Variants in PPP2R2B observed in about 807,000 individuals in gnomAD.
The protein encoded by PPP2R2B is protein phosphatase 2 regulatory subunit Bbeta, also known as serine/threonine-protein phosphatase 2A 55 kDa regulatory subunit B beta isoform.
Under a neutral mutation model 46.0 loss-of-function variants are expected in PPP2R2B, and 5 were observed. The ratio of observed to expected loss-of-function variants is 0.11; its 90% confidence interval spans 0.06 to 0.23. The LOEUF (loss-of-function observed/expected upper bound fraction) is 0.23, where lower values mean the gene tolerates loss of function less well. Among genes scored for constraint, PPP2R2B ranks in the 10% least tolerant of loss-of-function variants. PPP2R2B has a pLI of 1.00. For synonymous variants in PPP2R2B, 215 were observed against 206.7 expected (o/e 1.04, Z -0.34); for missense variants, 367 against 575.0 (o/e 0.64, Z 3.70).
chr5:146,638,496 TTA>T, intron 6 of PPP2R2B, 81 bp from the exon 7 acceptor site: 1 of 1,287,452 alleles, frequency 7.8e-7, no homozygotes, highest in Non-Finnish European at 1.1e-6. Flanking sequence ...TGGCACCATC[TTA>T]TATTAGTAAA....
chr5:146,639,643 T>C (rs1414742885), intron 6 of PPP2R2B, among the ~76,000 whole-genome samples: 1 of 152,196 alleles, frequency 6.6e-6, no homozygotes, highest in African/African-American at 2.4e-5. Flanking sequence ...CCAACAGGAC[T>C]CCCACTTTTC....
intron 1 of PPP2R2B, among the ~76,000 whole-genome samples, chr5:147,014,897 A>G (rs1754924950): frequency 6.6e-6 from 1 of 152,058 alleles, no homozygotes; most frequent in Non-Finnish European, 1.5e-5. Flanking sequence ...AAAAATAAAA[A>G]TTAAAAAATA....
intron 2 of PPP2R2B, among the ~76,000 whole-genome samples, chr5:146,723,791 T>C (rs1366191301): frequency 2.8e-4 from 42 of 152,096 alleles, no homozygotes; most frequent in Admixed American, 2.8e-3. Context: ...AATCATGTTT[T>C]CTTACCCTAA....
intron 1 of PPP2R2B, among the ~76,000 whole-genome samples, chr5:146,952,295 AT>A (rs964437756): frequency 1.3e-5 from 2 of 151,412 alleles, no homozygotes; most frequent in East Asian, 1.9e-4. Context: ...ACTTGTGGTG[AT>A]TTTTTTTTCT....
chr5:147,029,556 G>T (rs898032678), intron 1 of PPP2R2B, among the ~76,000 whole-genome samples: 9 of 152,036 alleles, frequency 5.9e-5, no homozygotes, highest in Admixed American at 2.0e-4. Flanking sequence ...TTAATAGATG[G>T]TGTTCTAGAC....
intron 1 of PPP2R2B, among the ~76,000 whole-genome samples, chr5:146,995,913 A>T (rs1217036285): frequency 6.6e-6 from 1 of 152,190 alleles, no homozygotes; most frequent in Non-Finnish European, 1.5e-5. Flanking sequence ...AACCAGCAAT[A>T]TAAAACCAGC....
At chr5:146,711,999 C>A (rs1296589481) in intron 2 of PPP2R2B, among the ~76,000 whole-genome samples, 2 of 152,082 alleles carry the variant, frequency 1.3e-5, no homozygotes, top group African/African-American at 4.8e-5. Flanking sequence ...ACACTAAATA[C>A]AATGCATATT....
intron 2 of PPP2R2B, among the ~76,000 whole-genome samples, chr5:146,769,039 G>A (rs1754675244): frequency 2.0e-5 from 3 of 152,082 alleles, no homozygotes; most frequent in African/African-American, 4.8e-5. Flanking sequence ...CACCATGCCT[G>A]GCTAATTTTT....
intron 2 of PPP2R2B, among the ~76,000 whole-genome samples, chr5:146,725,336 G>A (rs1405113518): frequency 6.6e-6 from 1 of 152,062 alleles, no homozygotes; most frequent in Non-Finnish European, 1.5e-5. Context: ...AAAATGGAAA[G>A]TAAAAACACA....
At chr5:146,793,074 G>A (rs971014955) in intron 2 of PPP2R2B, among the ~76,000 whole-genome samples, 2 of 152,162 alleles carry the variant, frequency 1.3e-5, no homozygotes, top group African/African-American at 4.8e-5. Flanking sequence ...GGTAGCAGTG[G>A]AAGTGATGAA....
At chr5:146,781,516 G>A (rs927107104) in intron 2 of PPP2R2B, among the ~76,000 whole-genome samples, 2 of 151,276 alleles carry the variant, frequency 1.3e-5, no homozygotes, top group African/African-American at 4.9e-5. Context: ...TGGTGCTCAA[G>A]CAAGCATTTC....
intron 1 of PPP2R2B, among the ~76,000 whole-genome samples, chr5:147,025,192 C>A (rs1215697661): frequency 6.6e-6 from 1 of 151,936 alleles, no homozygotes; most frequent in African/African-American, 2.4e-5. Flanking sequence ...AGGAAATAGA[C>A]AATTTCTAAG....
At chr5:146,946,259 C>CT (rs757729750) in intron 1 of PPP2R2B, among the ~76,000 whole-genome samples, 2 of 152,058 alleles carry the variant, frequency 1.3e-5, no homozygotes, top group African/African-American at 2.4e-5. Flanking sequence ...AGAGACAAGT[C>CT]TTTTTTTCCC....
chr5:146,977,924 G>T lies in PPP2R2B; in HGVS notation c.79+77741C>A, dbSNP rs920508374. ...GATTGCTGGGCCAAATGGTATTTCT[G>T]GTTCTAGATCCTTGAGGAATTGCCA... On this transcript the variant is annotated intron_variant, in intron 1 of 8. Transcript: ENST00000336640. Among the ~76,000 whole-genome samples the T allele has an allele frequency of 2.0e-5, 3 of 152,220 alleles. No homozygotes were observed. The South Asian group carries it at 6.2e-4, about 32-fold the overall frequency.
Position 146,984,920 on chromosome 5 carries a change from T to A in PPP2R2B, c.79+70745A>T, listed in dbSNP as rs557174187. On this transcript the variant is annotated intron_variant, in intron 1 of 8. Coordinates refer to the PPP2R2B transcript ENST00000336640. ...AGGTCCCTTGCTCCTTGTAAAATTC[T>A]GTTCTTTGTTTTCTTTCTATTGAGT... Among the ~76,000 whole-genome samples the A allele has an allele frequency of 1.1e-4, 17 of 152,248 alleles. No homozygotes were observed. The South Asian group carries it at 3.5e-3, about 32-fold the overall frequency.
rs192555003 is a variant in PPP2R2B, at chr5:146,807,842, C to T, written c.70+70160G>A. 3.5e-3 allele frequency among the ~76,000 whole-genome samples: 414 copies of T among 116,932 alleles called. 1 individual carries two copies. Among genetic ancestry groups the T allele is most frequent in the African/African-American group, 0.013 (392 of 31,072 alleles). The allele number at this position is 116,932 out of a possible 152,430, so 76.7% of individuals were successfully genotyped here. ...AGAAGACAGTTTTGCTCTTGTTGCC[C>T]AGGCTGGAGTGCAATGGCACGATCT... On this transcript the variant is annotated intron_variant, in intron 2 of 9. Transcript: ENST00000394411.
At chr5:146,946,581 C>T (rs1288361722) in intron 1 of PPP2R2B, among the ~76,000 whole-genome samples, 1 of 152,116 alleles carries the variant, frequency 6.6e-6, no homozygotes, top group African/African-American at 2.4e-5. Context: ...TCTAAAATTA[C>T]ACTAGAACTG....
chr5:147,017,412 G>T (rs1755055123), intron 1 of PPP2R2B, among the ~76,000 whole-genome samples: 1 of 151,416 alleles, frequency 6.6e-6, no homozygotes, highest in Non-Finnish European at 1.5e-5. Context: ...CTTAGGGGAG[G>T]GAGAGATTCG....
intron 5 of PPP2R2B, among the ~76,000 whole-genome samples, chr5:146,672,501 G>C (rs1777434023): frequency 6.6e-6 from 1 of 152,092 alleles, no homozygotes; most frequent in African/African-American, 2.4e-5. Context: ...TACTGCTGGA[G>C]ACATGGGGGT....
Sources: gnomAD v4.1 joint callset for allele counts (sites outside exome capture counted in the v4.1 genomes callset) on GRCh38, gnomAD v4.1.1 for gene constraint, MANE v1.5 for transcripts, NCBI Gene and HGNC (gene_info 2026-07-23, HGNC 2026-07-21) for gene names.